PGS1: variants seen among roughly 807,000 people sequenced by gnomAD.
PGS1 encodes the protein phosphatidylglycerophosphate synthase 1.
Under a neutral mutation model 58.3 loss-of-function variants are expected in PGS1, and 44 were observed. The observed-to-expected ratio is 0.75, with a 90% CI of 0.59 to 0.97. PGS1 has a LOEUF of 0.97. PGS1 is among the 50% of genes least tolerant of loss of function. The pLI is 0.00. For synonymous variants in PGS1, 330 were observed against 311.0 expected, an observed-to-expected ratio of 1.06 and a Z score of -0.64; for missense variants, 684 against 731.1, an observed-to-expected ratio of 0.94 and a Z score of 0.74.
chr17:78,419,169 G>A (rs973194477), intron 8 of PGS1, among the ~76,000 whole-genome samples: 5 of 151,980 alleles, frequency 3.3e-5, no homozygotes, highest in South Asian at 2.1e-4. Context: ...CACCATACCC[G>A]GCTAATTTTT....
intron 6 of PGS1, among the ~76,000 whole-genome samples, chr17:78,402,411 TATATATATATATATATACACACAC>T (rs1354791912): frequency 7.3e-6 from 1 of 137,210 alleles, no homozygotes; most frequent in East Asian, 2.1e-4. Flanking sequence ...TATATATATA[TATATATATATATATATACACACAC>T]ACACACACAT....
chr17:78,406,272 C>T (rs1034075872), intron 7 of PGS1, among the ~76,000 whole-genome samples: 5 of 151,964 alleles, frequency 3.3e-5, no homozygotes, highest in African/African-American at 7.3e-5. Context: ...GAGCTGAGAT[C>T]GTGCCACTGC....
chr17:78,406,046 GTGGCTCA>G (rs2084112449), intron 7 of PGS1, among the ~76,000 whole-genome samples: 3 of 112,752 alleles, frequency 2.7e-5, no homozygotes, highest in Admixed American at 2.5e-4. Flanking sequence ...GCCAGGCGCG[GTGGCTCA>G]CGCCTGTAAT....
intron 1 of PGS1, among the ~76,000 whole-genome samples, chr17:78,389,943 G>A (rs1339082005): frequency 6.6e-6 from 1 of 152,192 alleles, no homozygotes; most frequent in Non-Finnish European, 1.5e-5. Flanking sequence ...TGAAGGCCGC[G>A]TGTGGACTGA....
At chr17:78,394,149 G>A (rs1278142106) in intron 2 of PGS1, among the ~76,000 whole-genome samples, 1 of 139,404 alleles carries the variant, frequency 7.2e-6, no homozygotes, top group Non-Finnish European at 1.5e-5. Context: ...TCCAGCCTGG[G>A]CAACAGAGCG....
intron 1 of PGS1, among the ~76,000 whole-genome samples, chr17:78,388,442 G>A (rs962533043): frequency 1.4e-4 from 21 of 152,064 alleles, no homozygotes; most frequent in African/African-American, 4.1e-4. Flanking sequence ...TCACGCGATC[G>A]TCCCCCTCAA....
chr17:78,405,866 T>G (rs1598339355), intron 7 of PGS1, among the ~76,000 whole-genome samples: 3 of 151,996 alleles, frequency 2.0e-5, no homozygotes, highest in African/African-American at 7.2e-5. Flanking sequence ...GCTGAGTGAG[T>G]GGGGGGCCTC....
chr17:78,390,062 T>TCCCCCCCCCCCCCCCCCC (rs1555628316), intron 1 of PGS1, among the ~76,000 whole-genome samples: 11 of 128,686 alleles, frequency 8.5e-5, no homozygotes, highest in African/African-American at 9.0e-5. Flanking sequence ...TGTTGCCTGT[T>TCCCCCCCCCCCCCCCCCC]CCCCCGCCCC....
chr17:78,394,622 C>T (rs2083089633), intron 2 of PGS1, among the ~76,000 whole-genome samples: 1 of 151,914 alleles, frequency 6.6e-6, no homozygotes, highest in Non-Finnish European at 1.5e-5. Flanking sequence ...ATGGCACGAT[C>T]TCGGCTCATC....
intron 8 of PGS1, among the ~76,000 whole-genome samples, chr17:78,416,341 C>A (rs761333267): frequency 1.3e-5 from 2 of 152,256 alleles, no homozygotes; most frequent in Non-Finnish European, 2.9e-5. Flanking sequence ...CTTTCAACAG[C>A]GGGCTTTCCT....
At chr17:78,412,259 TATTTTCTTTCTGATGGAGA>T (rs1334736961) in intron 7 of PGS1, among the ~76,000 whole-genome samples, 1 of 151,736 alleles carries the variant, frequency 6.6e-6, no homozygotes, top group African/African-American at 2.4e-5. Context: ...CTGTGGTCGT[TATTTTCTTTCTGATGGAGA>T]AAGATTGCAG....
intron 1 of PGS1, among the ~76,000 whole-genome samples, chr17:78,379,301 T>C (rs573855938): frequency 6.6e-6 from 1 of 152,230 alleles, no homozygotes; most frequent in Admixed American, 6.5e-5. Context: ...GTTTCTCACA[T>C]CCTGCCAGAA....
chr17:78,386,193 A>G (rs904917915), intron 1 of PGS1, among the ~76,000 whole-genome samples: 7 of 152,140 alleles, frequency 4.6e-5, no homozygotes, highest in Non-Finnish European at 1.0e-4. Context: ...CTCTGAGAAG[A>G]TGCTGGTCTC....
intron 4 of PGS1, 147 bp from the exon 5 acceptor site, chr17:78,399,201 T>C: frequency 1.6e-6 from 1 of 636,478 alleles, no homozygotes; most frequent in Admixed American, 2.8e-5. Context: ...GGCCTGGAAG[T>C]CCTCTGGCTA....
chr17:78,413,806 G>C (rs1035963664), intron 7 of PGS1, among the ~76,000 whole-genome samples: 2 of 152,316 alleles, frequency 1.3e-5, no homozygotes, highest in Non-Finnish European at 2.9e-5. Flanking sequence ...CTGGACCTCG[G>C]GAAGTTGTGG....
At chr17:78,414,055 C>CT (rs1280668466) in intron 7 of PGS1, among the ~76,000 whole-genome samples, 3 of 152,210 alleles carry the variant, frequency 2.0e-5, no homozygotes, top group African/African-American at 7.2e-5. Flanking sequence ...CCTCCATTGT[C>CT]TTTTCCAGCC....
At position 78,419,660 on chromosome 17, in the gene PGS1, TTC is replaced by T. The variant is rs775285557; in HGVS notation, c.1668_1669del (p.Phe556LeufsTer50). On this transcript the variant is annotated frameshift_variant, in exon 9 of 10. Transcript: ENST00000262764. LOFTEE classifies it high-confidence loss of function. The stretch of plus-strand genomic sequence containing the variant: ...GGTGACTCCACTGATCAAGAACTTC[TTC>T]TGAGGACAGACAGGTGCTGTCTCTA... ...KMVTPLIKNF[F>X] 1.2e-6 allele frequency: 2 copies of T among 1,613,958 alleles called. No homozygotes were observed. Among genetic ancestry groups the T allele is most frequent in the Non-Finnish European group, 1.7e-6 (2 of 1,179,902 alleles).
At chr17:78,383,584 C>T (rs958451118) in intron 1 of PGS1, among the ~76,000 whole-genome samples, 18 of 152,270 alleles carry the variant, frequency 1.2e-4, no homozygotes, top group Non-Finnish European at 2.9e-5. Context: ...AGTTTTTACT[C>T]TGAGGGACCA....
At chr17:78,386,806 A>G (rs1467835388) in intron 1 of PGS1, among the ~76,000 whole-genome samples, 1 of 152,158 alleles carries the variant, frequency 6.6e-6, no homozygotes, top group Non-Finnish European at 1.5e-5. Flanking sequence ...CAGGAGTTAC[A>G]TTGTGGAAAG....
Sources: gnomAD v4.1 joint callset for allele counts (sites outside exome capture counted in the v4.1 genomes callset) on GRCh38, gnomAD v4.1.1 for gene constraint, MANE v1.5 for transcripts, NCBI Gene and HGNC (gene_info 2026-07-23, HGNC 2026-07-21) for gene names.